Variants in C10orf90 observed in about 807,000 individuals in gnomAD.
C10orf90 encodes (E2-independent) E3 ubiquitin-conjugating enzyme FATS.
A neutral mutation model predicts 62.5 loss-of-function variants in C10orf90; 56 were observed. That is an observed-to-expected ratio of 0.90 (90% CI 0.72 to 1.12). The LOEUF (loss-of-function observed/expected upper bound fraction) is 1.12. C10orf90 is among the 50% of genes most tolerant of loss of function. The pLI is 0.00. For missense variants in C10orf90, 970 were observed against 880.4 expected, an observed-to-expected ratio of 1.10 and a Z score of -1.29; for synonymous variants, 386 against 340.4, an observed-to-expected ratio of 1.13 and a Z score of -1.47.
chr10:126,451,487 A>C (rs1590926063), intron 7 of C10orf90, among the ~76,000 whole-genome samples: 1 of 151,736 alleles, frequency 6.6e-6, no homozygotes. Flanking sequence ...GTGTGTGTGC[A>C]TGTGTGTGTG....
intron 4 of C10orf90, among the ~76,000 whole-genome samples, chr10:126,481,775 G>T (rs896517365): frequency 6.6e-6 from 1 of 152,178 alleles, no homozygotes; most frequent in East Asian, 1.9e-4. Context: ...AGAATGCCTT[G>T]TTCCAAAGAC....
chr10:126,457,871 T>C (rs1264135805), intron 7 of C10orf90, among the ~76,000 whole-genome samples: 2 of 152,206 alleles, frequency 1.3e-5, no homozygotes, highest in Non-Finnish European at 2.9e-5. Flanking sequence ...TGAACCTTTA[T>C]CTGCCAATGG....
intron 2 of C10orf90, among the ~76,000 whole-genome samples, chr10:126,532,870 A>AAAAAAAAAAAAAAAAATAGC (rs1864140445): frequency 6.9e-6 from 1 of 145,234 alleles, no homozygotes; most frequent in Non-Finnish European, 1.5e-5. Context: ...GTGAGCACAA[A>AAAAAAAAAAAAAAAAATAGC]ACAAGTGTTT....
chr10:126,577,502 T>A (rs1156370518), intron 2 of C10orf90, among the ~76,000 whole-genome samples: 5 of 152,018 alleles, frequency 3.3e-5, no homozygotes, highest in African/African-American at 7.2e-5. Flanking sequence ...ACTAATTTTT[T>A]AAAAATTATT....
At chr10:126,496,736 G>A in intron 4 of C10orf90, 1 of 984,172 alleles carries the variant, frequency 1.0e-6, no homozygotes, top group Non-Finnish European at 1.2e-6. Flanking sequence ...GGGAAAGGTA[G>A]TTTGAGGAAG....
At chr10:126,494,077 CAA>C (rs563299238) in intron 4 of C10orf90, among the ~76,000 whole-genome samples, 36 of 152,152 alleles carry the variant, frequency 2.4e-4, no homozygotes, top group Non-Finnish European at 5.3e-4. Flanking sequence ...CAGAGAAACT[CAA>C]AGTCATTTGT....
chr10:126,585,335 GAGGGA>G (rs1844839103), intron 2 of C10orf90, among the ~76,000 whole-genome samples: 2 of 71,202 alleles, frequency 2.8e-5, no homozygotes. Flanking sequence ...GAGAGGGAGA[GAGGGA>G]GACAGGCAGG....
chr10:126,543,503 A>G (rs1238094537), intron 2 of C10orf90, among the ~76,000 whole-genome samples: 2 of 152,196 alleles, frequency 1.3e-5, no homozygotes, highest in East Asian at 1.9e-4. Flanking sequence ...TCTATAATTC[A>G]AGGTGATGAG....
chr10:126,592,349 T>C (rs1002488865), intron 2 of C10orf90, among the ~76,000 whole-genome samples: 3 of 152,030 alleles, frequency 2.0e-5, no homozygotes, highest in Non-Finnish European at 4.4e-5. Context: ...AACAGAGACA[T>C]AGACCAATGG....
At chr10:126,580,547 GGA>G (rs1844725853) in intron 2 of C10orf90, among the ~76,000 whole-genome samples, 1 of 151,894 alleles carries the variant, frequency 6.6e-6, no homozygotes, top group African/African-American at 2.4e-5. Flanking sequence ...CAGCTACTCG[GGA>G]GGCTGAGGCA....
intron 2 of C10orf90, among the ~76,000 whole-genome samples, 154 bp downstream of exon 2, chr10:126,646,411 A>C (rs1846172158): frequency 6.6e-6 from 1 of 152,172 alleles, no homozygotes; most frequent in South Asian, 2.1e-4. Flanking sequence ...ATCAGCTTCA[A>C]ATCTTGGCAG....
intron 2 of C10orf90, among the ~76,000 whole-genome samples, chr10:126,582,200 G>A (rs1844766794): frequency 6.6e-6 from 1 of 152,186 alleles, no homozygotes; most frequent in African/African-American, 2.4e-5. Context: ...GGGACTTTGT[G>A]GTATGTAACA....
intron 1 of C10orf90, among the ~76,000 whole-genome samples, chr10:126,647,203 G>C (rs914286314): frequency 1.3e-5 from 2 of 152,090 alleles, no homozygotes; most frequent in African/African-American, 2.4e-5. Flanking sequence ...TGAGATTTTG[G>C]CTCTGATTTC....
At chr10:126,491,410 G>T (rs1326941064) in intron 4 of C10orf90, among the ~76,000 whole-genome samples, 1 of 152,082 alleles carries the variant, frequency 6.6e-6, no homozygotes, top group East Asian at 1.9e-4. Context: ...TACATAAAAT[G>T]TGTGCACTTT....
intron 2 of C10orf90, among the ~76,000 whole-genome samples, chr10:126,586,407 G>A (rs1335595272): frequency 6.6e-6 from 1 of 152,202 alleles, no homozygotes; most frequent in Non-Finnish European, 1.5e-5. Context: ...CAAGCCACTG[G>A]CACAGAGGGC....
intron 7 of C10orf90, among the ~76,000 whole-genome samples, chr10:126,445,602 G>A (rs1017071324): frequency 2.0e-5 from 3 of 152,068 alleles, no homozygotes; most frequent in Admixed American, 2.0e-4. Context: ...GAAAAACAGT[G>A]TAGAGATTCC....
chr10:126,638,367 G>T (rs1170693278), intron 2 of C10orf90, among the ~76,000 whole-genome samples: 3 of 152,074 alleles, frequency 2.0e-5, no homozygotes, highest in Non-Finnish European at 4.4e-5. Flanking sequence ...CTCCTCTGAG[G>T]ACTCTGTGTC....
chr10:126,581,477 C>T (rs1024210838), intron 2 of C10orf90, among the ~76,000 whole-genome samples: 1 of 151,992 alleles, frequency 6.6e-6, no homozygotes, highest in Non-Finnish European at 1.5e-5. Context: ...ACTCTGCATC[C>T]CTAAAGATGG....
At chr10:126,575,397 A>G (rs1462625383) in intron 2 of C10orf90, among the ~76,000 whole-genome samples, 1 of 152,104 alleles carries the variant, frequency 6.6e-6, no homozygotes, top group Non-Finnish European at 1.5e-5. Context: ...AAGGAAAACT[A>G]CAAAACACTG....
Sources: allele counts gnomAD v4.1 joint callset (sites outside exome capture counted in the v4.1 genomes callset), GRCh38; gene constraint gnomAD v4.1.1; transcripts MANE v1.5; gene names NCBI Gene and HGNC (gene_info 2026-07-23, HGNC 2026-07-21).